PHYHIPL: variants seen among roughly 807,000 people sequenced by gnomAD.
PHYHIPL encodes phytanoyl-CoA 2-hydroxylase interacting protein like.
Under a neutral mutation model 33.4 loss-of-function variants are expected in PHYHIPL, and 9 were observed. The observed-to-expected ratio is 0.27, with a 90% confidence interval of 0.16 to 0.47. PHYHIPL has a LOEUF of 0.47. PHYHIPL is among the 20% of genes least tolerant of loss of function. The pLI is 0.99. For synonymous variants in PHYHIPL, 153 were observed against 154.1 expected, an observed-to-expected ratio of 0.99 and a Z score of 0.05; for missense variants, 365 against 460.7, an observed-to-expected ratio of 0.79 and a Z score of 1.90.
chr10:59,220,783 A>G (rs192188663), intron 1 of PHYHIPL, among the ~76,000 whole-genome samples: 13 of 152,146 alleles, frequency 8.5e-5, no homozygotes, highest in Admixed American at 7.9e-4. Context: ...TTAGAATAAA[A>G]TCTTCTCTTT....
At chr10:59,198,631 C>A (rs866748494) in intron 1 of PHYHIPL, among the ~76,000 whole-genome samples, 1 of 152,214 alleles carries the variant, frequency 6.6e-6, no homozygotes, top group Non-Finnish European at 1.5e-5. Context: ...AATCGCCACA[C>A]TGTCTCCCAC....
intron 1 of PHYHIPL, among the ~76,000 whole-genome samples, chr10:59,233,439 T>C (rs1034848750): frequency 9.2e-5 from 14 of 151,820 alleles, no homozygotes; most frequent in African/African-American, 2.7e-4. Context: ...ATTTTTTTTT[T>C]CTCTCTTGAG....
intron 1 of PHYHIPL, among the ~76,000 whole-genome samples, chr10:59,197,300 C>A (rs1777072338): frequency 2.0e-5 from 3 of 152,176 alleles, no homozygotes. Flanking sequence ...TCTGTTCCTC[C>A]AGTCCCATCT....
intron 1 of PHYHIPL, among the ~76,000 whole-genome samples, chr10:59,201,389 G>C (rs956022452): frequency 6.6e-6 from 1 of 152,130 alleles, no homozygotes; most frequent in African/African-American, 2.4e-5. Context: ...TCTTAATCCT[G>C]AGTTCTAGTT....
At position 59,247,652 on chromosome 10, in the gene PHYHIPL, C is replaced by T. The variant is rs890547101; in HGVS notation, c.*2061C>T. On this transcript the variant is annotated 3_prime_UTR_variant, in exon 5 of 5. Transcript: ENST00000373880. ...GCCACATCTTGCTTGCTGATGAGGA[C>T]CTCTAATAGTCTCAGTTTGGCTTTT... is the stretch of plus-strand genomic sequence containing the variant. 1.9e-6 allele frequency: 3 copies of T among 1,613,390 alleles called. No homozygotes were observed. Among genetic ancestry groups the T allele is most frequent in the Non-Finnish European group, 2.5e-6 (3 of 1,179,646 alleles).
At chr10:59,236,262 G>T (rs982437282) in intron 2 of PHYHIPL, among the ~76,000 whole-genome samples, 1 of 151,768 alleles carries the variant, frequency 6.6e-6, no homozygotes, top group African/African-American at 2.4e-5. Flanking sequence ...TGTCAGTCAG[G>T]AACTTAATAA....
chr10:59,217,670 A>C (rs1316434664), intron 1 of PHYHIPL, among the ~76,000 whole-genome samples: 4 of 151,800 alleles, frequency 2.6e-5, no homozygotes, highest in Non-Finnish European at 5.9e-5. Context: ...AATATATTCC[A>C]TAATAAATTA....
chr10:59,187,833 G>T (rs1434084949), intron 1 of PHYHIPL, among the ~76,000 whole-genome samples: 1 of 152,018 alleles, frequency 6.6e-6, no homozygotes, highest in Non-Finnish European at 1.5e-5. Flanking sequence ...ATTTTTTATT[G>T]TGTCTATTTG....
At chr10:59,206,805 A>G (rs1475591835) in intron 1 of PHYHIPL, 1 of 1,232,348 alleles carries the variant, frequency 8.1e-7, no homozygotes, top group Non-Finnish European at 1.0e-6. Context: ...TAAAAGCACC[A>G]TTGGTTCATG....
In PHYHIPL at chr10:59,176,803, G is replaced by T. The variant is rs778759507; in HGVS notation, c.-51G>T. The T allele has an allele frequency of 6.6e-7, 1 of 1,525,660 alleles. No homozygotes were observed. Among genetic ancestry groups the T allele is most frequent in the Non-Finnish European group, 8.9e-7 (1 of 1,118,306 alleles). The allele number at this position is 1,525,660 out of a possible 1,614,324, so 94.5% of individuals were successfully genotyped here. ...CCCGCTCTTCTTGCCCACCCGGCCG[G>T]CAGAGAGAGCCTGGATACGAAGCAG... On this transcript the variant is annotated 5_prime_UTR_variant, in exon 1 of 5. Coordinates refer to ENST00000373880, the MANE Select transcript of PHYHIPL (RefSeq NM_032439.4).
chr10:59,180,680 GA>G (rs933042034), intron 1 of PHYHIPL, among the ~76,000 whole-genome samples: 9 of 151,448 alleles, frequency 5.9e-5, no homozygotes, highest in African/African-American at 1.7e-4. Context: ...AAAAATGGAG[GA>G]AAAAAAGATT....
chr10:59,223,488 A>C (rs1265439558), intron 1 of PHYHIPL, among the ~76,000 whole-genome samples: 1 of 152,152 alleles, frequency 6.6e-6, no homozygotes, highest in Non-Finnish European at 1.5e-5. Flanking sequence ...ACTTATCCTC[A>C]GTTCCTAGCA....
At chr10:59,177,734 C>G in intron 1 of PHYHIPL, 1 of 1,255,424 alleles carries the variant, frequency 8.0e-7, no homozygotes, top group Non-Finnish European at 1.1e-6. Context: ...TAAGCTAGTG[C>G]TGTGTGCGGT....
At chr10:59,243,303 C>T (rs1216469666) in intron 4 of PHYHIPL, among the ~76,000 whole-genome samples, 1 of 152,040 alleles carries the variant, frequency 6.6e-6, no homozygotes, top group Non-Finnish European at 1.5e-5. Flanking sequence ...TGAAAATATC[C>T]TTCAATAATA....
At chr10:59,199,625 G>A (rs1406148588) in intron 1 of PHYHIPL, among the ~76,000 whole-genome samples, 1 of 152,164 alleles carries the variant, frequency 6.6e-6, no homozygotes, top group African/African-American at 2.4e-5. Flanking sequence ...AAATGGCATT[G>A]AATCTATAAA....
intron 1 of PHYHIPL, among the ~76,000 whole-genome samples, chr10:59,218,232 C>T (rs905992919): frequency 6.6e-6 from 1 of 152,190 alleles, no homozygotes; most frequent in African/African-American, 2.4e-5. Flanking sequence ...ACAATACAAA[C>T]TTATGGATAC....
At chr10:59,180,336 A>G (rs921682071) in intron 1 of PHYHIPL, among the ~76,000 whole-genome samples, 10 of 77,190 alleles carry the variant, frequency 1.3e-4, no homozygotes, top group African/African-American at 1.6e-4. Context: ...ATATATATAT[A>G]TATATATATA....
intron 4 of PHYHIPL, among the ~76,000 whole-genome samples, chr10:59,244,295 G>A (rs181608335): frequency 6.6e-6 from 1 of 152,192 alleles, no homozygotes; most frequent in Admixed American, 6.5e-5. Context: ...GGCTGAGCGT[G>A]GTGGCTCATG....
chr10:59,247,112 G>A lies in PHYHIPL; in HGVS notation c.*1521G>A, dbSNP rs927137317. 2 of 156,222 alleles carry A rather than the reference G, an allele frequency of 1.3e-5. No homozygotes were observed. The highest frequency in any genetic ancestry group is 1.3e-4 in the Admixed American group (2 of 15,340). 9.7% of individuals were successfully genotyped at this position (156,222 alleles called of 1,614,324 possible). ...CCTAGCAGACTTAAAGGACAAGGTA[G>A]TAAATGTTTTATCACTCAAAAATCC... is the stretch of plus-strand genomic sequence containing the variant. On this transcript the variant is annotated 3_prime_UTR_variant, in exon 5 of 5. Coordinates refer to ENST00000373880, the MANE Select transcript of PHYHIPL (RefSeq NM_032439.4).
Sources: allele counts gnomAD v4.1 joint callset (sites outside exome capture counted in the v4.1 genomes callset), GRCh38; gene constraint gnomAD v4.1.1; transcripts MANE v1.5; gene names NCBI Gene and HGNC (gene_info 2026-07-23, HGNC 2026-07-21).